Variants in WWOX observed in about 807,000 individuals in gnomAD.
WWOX encodes WW domain-containing oxidoreductase.
In WWOX, 69 loss-of-function variants were observed where a neutral mutation model predicts 46.2. The observed-to-expected ratio is 1.49, with a 90% CI of 1.23 to 1.82. WWOX has a LOEUF of 1.82. Ranked by LOEUF, WWOX falls within the 40% of genes most tolerant of loss-of-function variation. WWOX has a pLI of 0.00. For missense variants in WWOX, 919 were observed against 542.6 expected, an observed-to-expected ratio of 1.69 and a Z score of -6.89; for synonymous variants, 359 against 202.6, an observed-to-expected ratio of 1.77 and a Z score of -6.56.
At chr16:79,165,087 C>T (rs1233140899) in intron 8 of WWOX, among the ~76,000 whole-genome samples, 2 of 151,616 alleles carry the variant, frequency 1.3e-5, no homozygotes, top group East Asian at 1.9e-4. Context: ...ATCCTACGTT[C>T]CATGTAAGAT....
At chr16:78,433,615 G>C (rs919302822) in intron 8 of WWOX, among the ~76,000 whole-genome samples, 1 of 152,004 alleles carries the variant, frequency 6.6e-6, no homozygotes, top group Non-Finnish European at 1.5e-5. Context: ...GGCCTTCACA[G>C]TTGGACCTAG....
At chr16:78,781,195 C>G (rs1025635351) in intron 8 of WWOX, among the ~76,000 whole-genome samples, 1 of 152,160 alleles carries the variant, frequency 6.6e-6, no homozygotes, top group Non-Finnish European at 1.5e-5. Context: ...TGTTGTGACC[C>G]CTGGCTTGTT....
chr16:78,927,421 G>A (rs1313423683), intron 8 of WWOX, among the ~76,000 whole-genome samples: 2 of 152,164 alleles, frequency 1.3e-5, no homozygotes, highest in East Asian at 1.9e-4. Flanking sequence ...ATTACCATGT[G>A]TCTGTCTACA....
chr16:78,576,603 C>T (rs1287096252), intron 8 of WWOX, among the ~76,000 whole-genome samples: 1 of 152,164 alleles, frequency 6.6e-6, no homozygotes, highest in Non-Finnish European at 1.5e-5. Flanking sequence ...ATGGCCCAGG[C>T]AGGAGCATCA....
chr16:78,143,846 C>T (rs1334198029), intron 4 of WWOX, among the ~76,000 whole-genome samples: 3 of 148,514 alleles, frequency 2.0e-5, no homozygotes, highest in Admixed American at 6.8e-5. Flanking sequence ...CCAGGAAGCT[C>T]AGAACTTTAA....
chr16:79,060,633 G>C (rs1357210887), intron 8 of WWOX, among the ~76,000 whole-genome samples: 1 of 152,224 alleles, frequency 6.6e-6, no homozygotes, highest in Non-Finnish European at 1.5e-5. Flanking sequence ...CTGGACACTT[G>C]AAGAGTATTT....
intron 4 of WWOX, among the ~76,000 whole-genome samples, chr16:78,139,296 C>T (rs1461778336): frequency 2.6e-5 from 4 of 152,042 alleles, no homozygotes; most frequent in Non-Finnish European, 4.4e-5. Flanking sequence ...TTAGAATTGT[C>T]GGGGGTGGGG....
intron 8 of WWOX, among the ~76,000 whole-genome samples, chr16:78,445,875 C>G (rs2083547716): frequency 7.8e-6 from 1 of 128,236 alleles, no homozygotes; most frequent in Non-Finnish European, 1.6e-5. Context: ...AAGGCTCTGT[C>G]TTGGGGCGGG....
intron 8 of WWOX, among the ~76,000 whole-genome samples, chr16:78,637,760 T>A (rs973901930): frequency 6.6e-6 from 1 of 151,894 alleles, no homozygotes; most frequent in East Asian, 1.9e-4. Context: ...CAGCTAAGAG[T>A]GTCAAAATGG....
chr16:79,057,784 C>G (rs576066269), intron 8 of WWOX, among the ~76,000 whole-genome samples: 1 of 152,212 alleles, frequency 6.6e-6, no homozygotes, highest in South Asian at 2.1e-4. Flanking sequence ...GACTCGAATC[C>G]CAGCTCTGAT....
In WWOX at chr16:78,753,828, AT is replaced by A. The variant is rs57751820; in HGVS notation, c.1056+321077del. 2.8e-3 allele frequency among the ~76,000 whole-genome samples: 179 copies of A among 63,464 alleles called. 1 individual carries two copies. The highest frequency in any genetic ancestry group is 8.2e-3 in the African/African-American group (95 of 11,556). The allele number at this position is 63,464 out of a possible 152,430, so 41.6% of individuals were successfully genotyped here. A position where few individuals can be genotyped will look rare whatever the true frequency, so the allele number is the denominator to read the frequency against. On this transcript the variant is annotated intron_variant, in intron 8 of 8. Transcript: ENST00000566780. ...AAAAAAAAAAAAAAAAAAAAAAAAT[AT>A]ATATATATATATATATATATATATA...
intron 5 of WWOX, among the ~76,000 whole-genome samples, chr16:78,256,392 C>T (rs2038133395): frequency 6.6e-6 from 1 of 151,974 alleles, no homozygotes; most frequent in Non-Finnish European, 1.5e-5. Context: ...CTGACCCTAC[C>T]TTCCAGCTTC....
intron 8 of WWOX, among the ~76,000 whole-genome samples, chr16:78,853,490 A>T (rs1313939299): frequency 6.6e-6 from 1 of 152,168 alleles, no homozygotes; most frequent in Non-Finnish European, 1.5e-5. Context: ...AAATCCAGAA[A>T]TCCAGTTTCA....
At chr16:78,576,443 T>C (rs565403160) in intron 8 of WWOX, among the ~76,000 whole-genome samples, 8 of 152,328 alleles carry the variant, frequency 5.3e-5, no homozygotes, top group South Asian at 2.1e-4. Context: ...TCTGGAGGCG[T>C]TGGGCTTGGA....
intron 8 of WWOX, among the ~76,000 whole-genome samples, chr16:78,643,328 A>C (rs1176968101): frequency 1.3e-5 from 2 of 152,176 alleles, no homozygotes; most frequent in Non-Finnish European, 2.9e-5. Flanking sequence ...AACCGTGACA[A>C]GGTTTTATTA....
intron 8 of WWOX, among the ~76,000 whole-genome samples, chr16:79,114,783 G>A (rs2049481369): frequency 6.6e-6 from 1 of 152,148 alleles, no homozygotes; most frequent in Non-Finnish European, 1.5e-5. Context: ...TAAACCAGCT[G>A]CCCCGAGCAG....
At chr16:78,889,598 A>G (rs2044544001) in intron 8 of WWOX, among the ~76,000 whole-genome samples, 2 of 152,142 alleles carry the variant, frequency 1.3e-5, no homozygotes, top group East Asian at 3.9e-4. Flanking sequence ...GCTTGAAAGT[A>G]CTAAGCGTGC....
intron 8 of WWOX, among the ~76,000 whole-genome samples, chr16:79,190,043 A>G (rs970498666): frequency 1.3e-5 from 2 of 151,714 alleles, no homozygotes; most frequent in African/African-American, 4.8e-5. Flanking sequence ...TATTATTATT[A>G]TTTTTTGAGA....
chr16:79,007,286 T>G (rs970703608), intron 8 of WWOX, among the ~76,000 whole-genome samples: 2 of 152,080 alleles, frequency 1.3e-5, no homozygotes, highest in African/African-American at 4.8e-5. Flanking sequence ...CTTACATAAA[T>G]AGAGTAATCA....
Sources: allele counts gnomAD v4.1 joint callset (sites outside exome capture counted in the v4.1 genomes callset), GRCh38; gene constraint gnomAD v4.1.1; transcripts MANE v1.5; gene names NCBI Gene and HGNC (gene_info 2026-07-23, HGNC 2026-07-21).